Variants in TMEM25 observed in about 807,000 individuals in gnomAD.
The protein encoded by TMEM25 is transmembrane protein 25.
In TMEM25, 36 loss-of-function variants were observed where a neutral mutation model predicts 37.0. The observed-to-expected ratio is 0.97, with a 90% CI of 0.75 to 1.28. The LOEUF (loss-of-function observed/expected upper bound fraction) is 1.28. Among genes scored for constraint, TMEM25 ranks in the 50% most tolerant of loss-of-function variants. The pLI is 0.00. For synonymous variants in TMEM25, 197 were observed against 203.7 expected, an observed-to-expected ratio of 0.97 and a Z score of 0.28; for missense variants, 444 against 477.9, an observed-to-expected ratio of 0.93 and a Z score of 0.66.
At chr11:118,539,740 G>A (rs1951553872), downstream of TMEM25, among the ~76,000 whole-genome samples, 1 of 151,816 alleles carries the variant, frequency 6.6e-6, no homozygotes. Flanking sequence ...TTAATTTTTG[G>A]TCAGGCACAG....
At chr11:118,539,090 C>T (rs1459066088), downstream of TMEM25, among the ~76,000 whole-genome samples, 1 of 150,776 alleles carries the variant, frequency 6.6e-6, no homozygotes, top group Non-Finnish European at 1.5e-5. Context: ...TTTTGCTGTG[C>T]GGAAGCTTTT....
downstream of TMEM25, among the ~76,000 whole-genome samples, chr11:118,540,012 C>A (rs1464417964): frequency 7.7e-6 from 1 of 129,256 alleles, no homozygotes; most frequent in Admixed American, 7.5e-5. Flanking sequence ...CAGAGCAAGA[C>A]TCCGTCTCAA....
At position 118,541,396 on chromosome 11, in the gene TMEM25, A is replaced by T. The variant is rs186015521; in HGVS notation, c.1028-4723A>T. On this transcript the variant is annotated intron_variant, in intron 8 of 8. Coordinates refer to the TMEM25 transcript ENST00000354284. ...AGAATGGCTTGAACCTGGGAGGCGG[A>T]GCTTGCAGTGAGCCAAGATTGCGCC... 6.8e-3 allele frequency among the ~76,000 whole-genome samples: 1,005 copies of T among 147,412 alleles called. 5 individuals carry two copies. Among genetic ancestry groups the T allele is most frequent in the African/African-American group, 0.024 (961 of 40,050 alleles).
At chr11:118,531,481 G>T in intron 1 of TMEM25, 1 of 524,758 alleles carries the variant, frequency 1.9e-6, no homozygotes, top group East Asian at 3.2e-5. Flanking sequence ...GTGCGTGTGT[G>T]CAAGGTGTGG....
Position 118,535,720 on chromosome 11 carries a change from G to T in TMEM25, c.*1140G>T, listed in dbSNP as rs1347069547. The T allele has an allele frequency of 3.5e-6, 5 of 1,409,378 alleles. No homozygotes were observed. In the African/African-American group the frequency reaches 7.2e-5, roughly 20 times the overall value. The allele number at this position is 1,409,378 out of a possible 1,614,324, so 87.3% of individuals were successfully genotyped here. ...ATGTAAATGATTGGAAATTAATATA[G>T]TACAGAATATATTTTTCCCTTGTTG... On this transcript the variant is annotated 3_prime_UTR_variant, in exon 9 of 9. Transcript: ENST00000313236.
chr11:118,546,091 T>C (rs369148375), intron 8 of TMEM25: 10 of 718,318 alleles, frequency 1.4e-5, no homozygotes, highest in Non-Finnish European at 2.3e-5. Context: ...GGGTGGGCCT[T>C]AATCCAGTAT....
chr11:118,546,468 G>A lies in TMEM25; in HGVS notation c.*321G>A, dbSNP rs571883558. ...ATTGAGCTACTGCACTCCAGCCTGG[G>A]CATAGAGTAATACCCTGTAAAAAAA... On this transcript the variant is annotated 3_prime_UTR_variant, in exon 9 of 9. Transcript: ENST00000354284. The A allele has an allele frequency of 1.2e-5, 4 of 336,564 alleles. No individual in the cohort carries two copies. The South Asian group carries it at 1.5e-4, about 13-fold the overall frequency. 20.8% of individuals were successfully genotyped at this position (336,564 alleles called of 1,614,324 possible). A position where few individuals can be genotyped will look rare whatever the true frequency, so the allele number is the denominator to read the frequency against.
chr11:118,532,030 T>C (rs1471915976), intron 2 of TMEM25, 120 bp from the exon 3 acceptor site: 1 of 1,367,556 alleles, frequency 7.3e-7, no homozygotes, highest in African/African-American at 1.5e-5. Context: ...CAGTCCCTGG[T>C]GAGAGGACTC....
intron 2 of TMEM25, 56 bp from the exon 3 acceptor site, chr11:118,532,094 C>T (rs1226154469): frequency 1.4e-6 from 2 of 1,465,516 alleles, no homozygotes; most frequent in East Asian, 4.9e-5. Flanking sequence ...TTCCTGGTCA[C>T]AGCACAGTAC....
At chr11:118,533,767 C>G (rs1951407417) in intron 5 of TMEM25, 90 bp from the exon 6 acceptor site, 1 of 1,603,738 alleles carries the variant, frequency 6.2e-7, no homozygotes, top group East Asian at 2.2e-5. Context: ...TGAGAGACCC[C>G]TTGCCTGAGG....
In TMEM25 at chr11:118,534,049, TCAA is replaced by T; in HGVS notation, c.862_864del (p.Asn288del). Reference sequence around the variant, plus strand: ...TGTAGTGACTCCAACAACCTAAAACTCAACAACGTGCGCCTGCCACGGGAGAAC... The same window carrying T: ...TGTAGTGACTCCAACAACCTAAAACTCAACGTGCGCCTGCCACGGGAGAAC... On this transcript the variant is annotated inframe_deletion, in exon 7 of 9. Coordinates refer to ENST00000313236, the MANE Select transcript of TMEM25 (RefSeq NM_032780.4). This position sits in a 1 kb window ranked among gnomAD's most constrained non-coding sequence, Gnocchi z 4.6. The T allele has an allele frequency of 6.2e-7, 1 of 1,613,850 alleles. No individual in the cohort carries two copies. The highest frequency in any genetic ancestry group is 8.5e-7 in the Non-Finnish European group (1 of 1,179,958).
In TMEM25 at chr11:118,542,260, CTCT is replaced by C. The variant is rs555655339; in HGVS notation, c.1028-3854_1028-3852del. Among the ~76,000 whole-genome samples, 180 of 152,266 alleles carry C rather than the reference CTCT, an allele frequency of 1.2e-3. 2 individuals carry two copies. Among genetic ancestry groups the C allele is most frequent in the African/African-American group, 3.4e-3 (141 of 41,552 alleles). On this transcript the variant is annotated intron_variant, in intron 8 of 8. Transcript: ENST00000354284. ...GGGCTGGACATGCTAAGTCAGGTCT[CTCT>C]TCTTATAAAGCCACCAGTCCCACTC...
rs1219807953 is a variant in TMEM25 at position 118,534,208 on chromosome 11, G to A, written c.938-58G>A. 1.1e-4 allele frequency: 170 copies of A among 1,613,210 alleles called. No individual in the cohort carries two copies. Among genetic ancestry groups the A allele is most frequent in the South Asian group, 7.3e-4 (66 of 91,014 alleles). ...AGAAAAAGAACTTGGTGCTTGGGAG[G>A]GGCGAGGCCTCATCAGGCACACTCC... On this transcript the variant is annotated intron_variant, in intron 7 of 8. Transcript: ENST00000313236. The surrounding 1 kb of genome is among the most constrained non-coding windows in gnomAD (Gnocchi z 4.6).
downstream of TMEM25, among the ~76,000 whole-genome samples, chr11:118,540,654 C>T (rs1396552750): frequency 2.0e-5 from 3 of 152,220 alleles, no homozygotes; most frequent in South Asian, 2.1e-4. Flanking sequence ...TCCCAATTCT[C>T]GATACACATC....
chr11:118,537,116 G>C (rs1453774049), downstream of TMEM25, among the ~76,000 whole-genome samples: 1 of 152,128 alleles, frequency 6.6e-6, no homozygotes, highest in Admixed American at 6.6e-5. Flanking sequence ...CGAGGCGGGT[G>C]GATTGCCTGA....
At chr11:118,541,070 C>G (rs1306593711) in intron 8 of TMEM25, among the ~76,000 whole-genome samples, 1 of 152,078 alleles carries the variant, frequency 6.6e-6, no homozygotes, top group Non-Finnish European at 1.5e-5. Context: ...AACACTTACA[C>G]GAGGATGAAC....
rs1951397400 is a variant in TMEM25 at position 118,533,548 on chromosome 11, A to G, written c.802A>G (p.Lys268Glu). The G allele has an allele frequency of 4.3e-6, 7 of 1,613,882 alleles. No homozygotes were observed. In the East Asian group the frequency reaches 1.3e-4, roughly 31 times the overall value. Residue 268 changes from lysine to glutamate, a missense_variant, in exon 5 of 9, where the codon AAA becomes GAA. Physicochemically the swap from Lys to Glu is moderately conservative, Grantham distance 56. Transcript: ENST00000313236. ...GGTCTGCAGAAAAGAGAAGAAAACC[A>G]AAGGTAGGCCAGGGACACTGGGGGC... is the stretch of plus-strand genomic sequence containing the variant. ...CLVCRKEKKT[K>E]GPSRHPSLIS...
Position 118,534,469 on chromosome 11 carries a change from G to T in TMEM25, c.1028-38G>T. ...GAGCTCTCCAAATTCCAAGGAACAA[G>T]CGTTACTGAGTCCCCGCGGGCTTCT... On this transcript the variant is annotated intron_variant, in intron 8 of 8. Coordinates refer to ENST00000313236, the MANE Select transcript of TMEM25 (RefSeq NM_032780.4). The surrounding 1 kb of genome is among the most constrained non-coding windows in gnomAD (Gnocchi z 4.6). The T allele has an allele frequency of 1.2e-6, 2 of 1,613,530 alleles. No homozygotes were observed. Among genetic ancestry groups the T allele is most frequent in the Non-Finnish European group, 1.7e-6 (2 of 1,179,848 alleles).
rs148199179 is a variant in TMEM25, at chr11:118,534,283, C to A, written c.955C>A (p.Arg319=). The part of the protein sequence containing the change: ...PDSRAVKPAD[R]QMAQNNSRPE... ...TCAACCAGCAGTGAAACCAGCAGAC[C>A]GGCAGATGGCTCAGAACAACAGCCG... The change falls in exon 8 of 9, where the codon CGG becomes AGG. Residue 319 remains arginine (R), a synonymous_variant. Transcript: ENST00000313236. The surrounding 1 kb of genome is among the most constrained non-coding windows in gnomAD (Gnocchi z 4.6). The A allele has an allele frequency of 2.5e-6, 4 of 1,614,166 alleles. No individual in the cohort carries two copies. The Admixed American group carries it at 6.7e-5, about 27-fold the overall frequency.
Sources: allele counts gnomAD v4.1 joint callset (sites outside exome capture counted in the v4.1 genomes callset), GRCh38; gene constraint gnomAD v4.1.1; non-coding constraint Gnocchi (gnomAD v3.1); transcripts MANE v1.5; gene names NCBI Gene and HGNC (gene_info 2026-07-23, HGNC 2026-07-21).